RAPGEF6: variants seen among roughly 807,000 people sequenced by gnomAD.
RAPGEF6 encodes the protein Rap guanine nucleotide exchange factor 6.
A neutral mutation model predicts 171.4 loss-of-function variants in RAPGEF6; 56 were observed. The observed-to-expected ratio is 0.33, with a 90% CI of 0.26 to 0.41. The LOEUF (loss-of-function observed/expected upper bound fraction) is 0.41. Among genes scored for constraint, RAPGEF6 ranks in the 10% least tolerant of loss-of-function variants. The pLI is 1.00. For synonymous variants in RAPGEF6, 692 were observed against 650.1 expected (o/e 1.06, Z -0.98); for missense variants, 1,674 against 1,921.4 (o/e 0.87, Z 2.41).
rs768483619 is a variant in RAPGEF6 at position 131,462,038 on chromosome 5, T to A, written c.2531A>T (p.Asp844Val). The A allele has an allele frequency of 6.2e-7, 1 of 1,611,692 alleles. No individual in the cohort carries two copies. Among genetic ancestry groups the A allele is most frequent in the Admixed American group, 1.7e-5 (1 of 59,638 alleles). The part of the protein sequence containing the change: ...METETLCSDE[D>V]AQELVKESQL... ...GCTTTCCTTAACTAGTTCTTGAGCA[T>A]CTTCATCTGAACATAAGGTTTCTGT... The change falls in exon 19 of 28, where the codon GAT becomes GTT. Residue 844 changes from aspartate to valine, a missense_variant. This residue lies in a region of RAPGEF6 where 1,116 missense variants were observed against 1,321.5 expected (regional missense o/e 0.84). Transcript: ENST00000509018.
At chr5:131,473,008 C>G in intron 16 of RAPGEF6, 1 of 365,330 alleles carries the variant, frequency 2.7e-6, no homozygotes, top group South Asian at 4.2e-5. Flanking sequence ...TAGTGTCTAC[C>G]AGTTTGGGTG....
At chr5:131,632,621 A>C (rs1693752934) in intron 1 of RAPGEF6, among the ~76,000 whole-genome samples, 1 of 152,230 alleles carries the variant, frequency 6.6e-6, no homozygotes, top group Non-Finnish European at 1.5e-5. Context: ...TTATGGATAC[A>C]ACATAGTGCA....
At chr5:131,491,195 T>C (rs1167156911) in intron 14 of RAPGEF6, among the ~76,000 whole-genome samples, 2 of 152,184 alleles carry the variant, frequency 1.3e-5, no homozygotes, top group African/African-American at 4.8e-5. Flanking sequence ...AACTCTATTG[T>C]GGAAGCTGTC....
intron 6 of RAPGEF6, 116 bp from the exon 7 acceptor site, chr5:131,521,637 A>C (rs1758487551): frequency 3.4e-6 from 3 of 876,722 alleles, no homozygotes; most frequent in Admixed American, 3.5e-5. Flanking sequence ...TTTTAACCCA[A>C]GTTCTCTACT....
At chr5:131,598,218 C>T (rs1561594416) in intron 3 of RAPGEF6, among the ~76,000 whole-genome samples, 1 of 152,000 alleles carries the variant, frequency 6.6e-6, no homozygotes, top group East Asian at 1.9e-4. Flanking sequence ...GTATTTTAGA[C>T]TAGAAACAGC....
intron 24 of RAPGEF6, among the ~76,000 whole-genome samples, chr5:131,439,052 A>G (rs1752211657): frequency 6.6e-6 from 1 of 152,030 alleles, no homozygotes; most frequent in South Asian, 2.1e-4. Context: ...TCTCCCGGGT[A>G]GCTGGGACTA....
chr5:131,465,930 T>G (rs1325340455), intron 17 of RAPGEF6, among the ~76,000 whole-genome samples: 1 of 152,120 alleles, frequency 6.6e-6, no homozygotes, highest in African/African-American at 2.4e-5. Context: ...TTATGGACAC[T>G]GTTAGCCTTT....
intron 6 of RAPGEF6, among the ~76,000 whole-genome samples, chr5:131,541,391 G>C (rs1451562998): frequency 6.6e-6 from 1 of 152,226 alleles, no homozygotes; most frequent in Admixed American, 6.5e-5. Flanking sequence ...TCCAGGGAAA[G>C]AGAACAGGAC....
chr5:131,592,493 G>A (rs1195645737), intron 3 of RAPGEF6, 27 bp from the exon 4 acceptor site: 1 of 1,603,776 alleles, frequency 6.2e-7, no homozygotes, highest in African/African-American at 1.3e-5. Flanking sequence ...GTAAATAAAT[G>A]AGCAAAACAA....
intron 11 of RAPGEF6, among the ~76,000 whole-genome samples, chr5:131,501,115 C>T (rs1030200125): frequency 4.0e-5 from 6 of 149,496 alleles, no homozygotes; most frequent in Non-Finnish European, 6.0e-5. Flanking sequence ...GAGATCAGCC[C>T]GGCCAAATGG....
chr5:131,474,099 T>C (rs533751410), intron 16 of RAPGEF6, among the ~76,000 whole-genome samples: 2 of 152,286 alleles, frequency 1.3e-5, no homozygotes, highest in Admixed American at 6.5e-5. Flanking sequence ...TCAGGTAATA[T>C]AGGCGAATGT....
In RAPGEF6 at chr5:131,553,081, A is replaced by C. The variant is rs193077929; in HGVS notation, c.352-4891T>G. On this transcript the variant is annotated intron_variant, in intron 5 of 27. Coordinates refer to ENST00000509018, the MANE Select transcript of RAPGEF6 (RefSeq NM_016340.6). ...AGAAAGCCCTAAGTGCCCTCCTCCCAACTGCCAGGCTAGCAAACAGTGAGG... is the reference window on the plus strand; with the variant it reads ...AGAAAGCCCTAAGTGCCCTCCTCCCCACTGCCAGGCTAGCAAACAGTGAGG... 1.2e-4 allele frequency among the ~76,000 whole-genome samples: 18 copies of C among 152,310 alleles called. No homozygotes were observed. The East Asian group carries it at 3.5e-3, about 29-fold the overall frequency.
chr5:131,592,497 A>T lies in RAPGEF6; in HGVS notation c.198-31T>A, dbSNP rs1032277480. ...TAAATAAATAAGTAAATAAATGAGC[A>T]AAACAACACACATGTTCATATGTAT... On this transcript the variant is annotated intron_variant, in intron 3 of 27. Coordinates refer to ENST00000509018, the MANE Select transcript of RAPGEF6 (RefSeq NM_016340.6). 5.0e-6 allele frequency: 8 copies of T among 1,602,834 alleles called. No homozygotes were observed. The African/African-American group carries it at 9.4e-5, about 19-fold the overall frequency.
intron 16 of RAPGEF6, among the ~76,000 whole-genome samples, chr5:131,477,274 T>G (rs1006688275): frequency 7.2e-5 from 11 of 152,206 alleles, no homozygotes; most frequent in African/African-American, 2.7e-4. Flanking sequence ...ATAAACTATT[T>G]TTTCTGTATT....
chr5:131,494,140 GAA>G (rs1310157301), intron 13 of RAPGEF6, among the ~76,000 whole-genome samples: 3 of 152,178 alleles, frequency 2.0e-5, no homozygotes, highest in Admixed American at 6.5e-5. Context: ...CAATCTCAAT[GAA>G]CTAGGAACTA....
intron 3 of RAPGEF6, among the ~76,000 whole-genome samples, chr5:131,594,499 T>C (rs1296086271): frequency 5.3e-5 from 8 of 152,118 alleles, no homozygotes; most frequent in Non-Finnish European, 8.8e-5. Flanking sequence ...AGGGAAAATG[T>C]GGGGTTGGAG....
intron 23 of RAPGEF6, among the ~76,000 whole-genome samples, chr5:131,442,106 T>G (rs1433181306): frequency 6.6e-6 from 1 of 152,216 alleles, no homozygotes; most frequent in African/African-American, 2.4e-5. Context: ...AATGTATTGC[T>G]GTAAATTTTC....
chr5:131,458,030 TTA>T (rs1753640560), intron 19 of RAPGEF6, among the ~76,000 whole-genome samples: 2 of 152,102 alleles, frequency 1.3e-5, no homozygotes, highest in Non-Finnish European at 2.9e-5. Flanking sequence ...GCAGAAACCA[TTA>T]GAAAACTTAA....
chr5:131,540,444 T>C (rs1196276451), intron 6 of RAPGEF6, among the ~76,000 whole-genome samples: 4 of 152,156 alleles, frequency 2.6e-5, no homozygotes, highest in Non-Finnish European at 1.5e-5. Context: ...CACATGCCTG[T>C]AGTCCTAGCT....
Sources: gnomAD v4.1 joint callset for allele counts (sites outside exome capture counted in the v4.1 genomes callset) on GRCh38, gnomAD v4.1.1 for gene constraint, gnomAD v4.1.1 regional missense constraint, MANE v1.5 for transcripts, NCBI Gene and HGNC (gene_info 2026-07-23, HGNC 2026-07-21) for gene names.